DPP6: variants seen among roughly 807,000 people sequenced by gnomAD.
DPP6 encodes dipeptidyl peptidase like 6.
A neutral mutation model predicts 122.6 loss-of-function variants in DPP6; 69 were observed. The ratio of observed to expected loss-of-function variants is 0.56; its 90% CI spans 0.46 to 0.69. DPP6 has a LOEUF of 0.69. DPP6 is among the 30% of genes least tolerant of loss of function. The pLI is 0.00. For synonymous variants in DPP6, 418 were observed against 433.1 expected, an observed-to-expected ratio of 0.97 and a Z score of 0.43; for missense variants, 928 against 1,116.9, an observed-to-expected ratio of 0.83 and a Z score of 2.41.
chr7:154,524,804 T>G (rs9690048), intron 3 of DPP6, among the ~76,000 whole-genome samples: 17,520 of 152,182 alleles, frequency 0.12, 1,097 homozygotes, highest in African/African-American at 0.17. Flanking sequence ...GGTGAAGAAT[T>G]GGAGCCATTT....
chr7:154,188,681 G>T (rs966229172), intron 1 of DPP6, among the ~76,000 whole-genome samples: 4 of 152,246 alleles, frequency 2.6e-5, no homozygotes, highest in African/African-American at 4.8e-5. Context: ...AAACACAAAG[G>T]TATCTAATAA....
chr7:153,855,178 T>G, the DPP6 span, among the ~76,000 whole-genome samples: 1 of 150,736 alleles, frequency 6.6e-6, no homozygotes, highest in African/African-American at 2.4e-5. Flanking sequence ...GCATGGCACA[T>G]GTATACATAT....
intron 1 of DPP6, among the ~76,000 whole-genome samples, chr7:154,035,112 G>T (rs1799451931): frequency 6.6e-6 from 1 of 152,208 alleles, no homozygotes; most frequent in Admixed American, 6.5e-5. Flanking sequence ...AGCCTTAAGG[G>T]TCTTCCCTAA....
chr7:153,863,357 C>A, the DPP6 span, among the ~76,000 whole-genome samples: 1 of 152,088 alleles, frequency 6.6e-6, no homozygotes. Context: ...GGGTTGGTTC[C>A]AAGTCTTTGC....
intron 1 of DPP6, among the ~76,000 whole-genome samples, chr7:154,298,262 C>T (rs1237079784): frequency 1.1e-5 from 1 of 94,740 alleles, no homozygotes; most frequent in Non-Finnish European, 2.4e-5. Context: ...ATCTGTCTCT[C>T]TCTCTCCACA....
At chr7:154,363,513 T>C (rs181395714) in intron 1 of DPP6, among the ~76,000 whole-genome samples, 1 of 152,144 alleles carries the variant, frequency 6.6e-6, no homozygotes, top group Non-Finnish European at 1.5e-5. Flanking sequence ...GACCTCAGGG[T>C]TCTCCAAACA....
intron 17 of DPP6, among the ~76,000 whole-genome samples, chr7:154,854,078 AC>A (rs773412620): frequency 6.6e-6 from 1 of 152,164 alleles, no homozygotes; most frequent in Non-Finnish European, 1.5e-5. Context: ...TTCCAGGCCT[AC>A]CCAGGTCATA....
intron 1 of DPP6, among the ~76,000 whole-genome samples, chr7:154,401,944 A>T (rs1815647469): frequency 6.6e-6 from 1 of 152,240 alleles, no homozygotes; most frequent in South Asian, 2.1e-4. Context: ...AAAGGACATG[A>T]ACAGACACTT....
chr7:154,803,505 G>A (rs368162138), intron 13 of DPP6, among the ~76,000 whole-genome samples: 7 of 152,226 alleles, frequency 4.6e-5, no homozygotes, highest in African/African-American at 1.7e-4. Context: ...CTTCAGTAAT[G>A]GCTCCATTAA....
intron 1 of DPP6, among the ~76,000 whole-genome samples, chr7:154,346,180 A>G (rs928240824): frequency 6.6e-6 from 1 of 152,180 alleles, no homozygotes; most frequent in Non-Finnish European, 1.5e-5. Context: ...ACTCTTTCTC[A>G]GAGGTTGGCC....
the DPP6 span, among the ~76,000 whole-genome samples, chr7:153,773,297 G>GTGTC: frequency 1.4e-5 from 2 of 139,872 alleles, no homozygotes; most frequent in Non-Finnish European, 3.1e-5. Context: ...GTGTGTCTGT[G>GTGTC]TGTGTATGTG....
Position 154,842,580 on chromosome 7 carries a change from A to AT in DPP6, c.1667-11190dup, listed in dbSNP as rs375031250. ...TCAAAGCTTTTCTTTTGGTAATCTG[A>AT]TTTTTTTTTTATTTTTGTCCCTCTG... On this transcript the variant is annotated intron_variant, in intron 16 of 25. Transcript: ENST00000377770. Among the ~76,000 whole-genome samples, 299 of 150,250 alleles carry AT rather than the reference A, an allele frequency of 2.0e-3. 1 individual carries two copies. The highest frequency in any genetic ancestry group is 3.4e-3 in the Middle Eastern group (1 of 294).
At chr7:154,228,828 G>T (rs1311562795) in intron 1 of DPP6, among the ~76,000 whole-genome samples, 1 of 152,074 alleles carries the variant, frequency 6.6e-6, no homozygotes, top group East Asian at 1.9e-4. Flanking sequence ...AAGAACTGAG[G>T]GTCCCTGGAA....
At chr7:154,372,944 G>C (rs1812801145) in intron 1 of DPP6, among the ~76,000 whole-genome samples, 1 of 152,180 alleles carries the variant, frequency 6.6e-6, no homozygotes, top group Non-Finnish European at 1.5e-5. Context: ...GATTAGCACA[G>C]CCCTGGGGAC....
the DPP6 span, among the ~76,000 whole-genome samples, chr7:153,833,709 C>G: frequency 2.6e-5 from 4 of 151,552 alleles, no homozygotes; most frequent in African/African-American, 9.7e-5. Flanking sequence ...GGGGAGAAGT[C>G]AAATTCACCT....
intron 1 of DPP6, among the ~76,000 whole-genome samples, chr7:153,945,491 C>T (rs561912120): frequency 6.6e-6 from 1 of 152,032 alleles, no homozygotes; most frequent in African/African-American, 2.4e-5. Context: ...AAATGGATGA[C>T]TTGTGAGACT....
intron 1 of DPP6, among the ~76,000 whole-genome samples, chr7:154,014,038 G>GCTCTTCCTTAGGTTCTAGAACC (rs1798280396): frequency 6.6e-6 from 1 of 152,168 alleles, no homozygotes; most frequent in Non-Finnish European, 1.5e-5. Flanking sequence ...GGCCAGTGCA[G>GCTCTTCCTTAGGTTCTAGAACC]CTCTTCCTTA....
chr7:153,767,769 C>T, the DPP6 span, among the ~76,000 whole-genome samples: 1 of 152,166 alleles, frequency 6.6e-6, no homozygotes, highest in African/African-American at 2.4e-5. Flanking sequence ...TCAAATGCCA[C>T]ACATTTTTAA....
At chr7:154,038,049 T>C (rs1349893488) in intron 1 of DPP6, among the ~76,000 whole-genome samples, 2 of 137,812 alleles carry the variant, frequency 1.5e-5, no homozygotes, top group African/African-American at 6.0e-5. Context: ...ACATAAAACA[T>C]ATAATGATAC....
Sources: gnomAD v4.1 joint callset for allele counts (sites outside exome capture counted in the v4.1 genomes callset) on GRCh38, gnomAD v4.1.1 for gene constraint, MANE v1.5 for transcripts, NCBI Gene and HGNC (gene_info 2026-07-23, HGNC 2026-07-21) for gene names.